CMSS1: variants seen among roughly 807,000 people sequenced by gnomAD.
The protein encoded by CMSS1 is cms1 ribosomal small subunit homolog, also known as protein CMSS1.
Under a neutral mutation model 43.5 loss-of-function variants are expected in CMSS1, and 33 were observed. That is an observed-to-expected ratio of 0.76 (90% CI 0.57 to 1.01). CMSS1 has a LOEUF of 1.01. CMSS1 is among the 50% of genes least tolerant of loss of function. CMSS1 has a pLI of 0.00. For synonymous variants in CMSS1, 115 were observed against 117.2 expected (o/e 0.98, Z 0.12); for missense variants, 313 against 326.4 (o/e 0.96, Z 0.32).
At chr3:99,930,671 A>G in intron 1 of CMSS1, 1 of 1,325,988 alleles carries the variant, frequency 7.5e-7, no homozygotes, top group Non-Finnish European at 1.1e-6. Flanking sequence ...ACACACATGT[A>G]TGAACCACAG....
intron 1 of CMSS1, among the ~76,000 whole-genome samples, chr3:100,049,775 C>A (rs984902672): frequency 1.3e-5 from 2 of 152,228 alleles, no homozygotes; most frequent in South Asian, 2.1e-4. Flanking sequence ...CTAACATTTT[C>A]TTTTCTCTAG....
At chr3:99,853,586 A>G (rs1344596725) in intron 1 of CMSS1, among the ~76,000 whole-genome samples, 1 of 152,236 alleles carries the variant, frequency 6.6e-6, no homozygotes, top group South Asian at 2.1e-4. Flanking sequence ...TGGAGTAGGC[A>G]TGATGCATAT....
At chr3:99,868,863 GC>G (rs1208960920) in intron 1 of CMSS1, among the ~76,000 whole-genome samples, 2 of 152,086 alleles carry the variant, frequency 1.3e-5, no homozygotes, top group Non-Finnish European at 2.9e-5. Flanking sequence ...AGCCCTTACA[GC>G]TTTATTACCT....
intron 1 of CMSS1, among the ~76,000 whole-genome samples, chr3:100,145,472 G>T (rs1488322803): frequency 1.3e-5 from 2 of 151,868 alleles, no homozygotes; most frequent in Non-Finnish European, 2.9e-5. Flanking sequence ...ATACATATTA[G>T]TCAGGGTTCT....
chr3:100,123,810 A>G (rs951413680), intron 1 of CMSS1, among the ~76,000 whole-genome samples: 4 of 152,212 alleles, frequency 2.6e-5, no homozygotes, highest in Admixed American at 6.5e-5. Flanking sequence ...GCTTTGTACA[A>G]TGTCCTAGAT....
intron 1 of CMSS1, among the ~76,000 whole-genome samples, chr3:100,051,626 G>A (rs983880880): frequency 4.7e-5 from 7 of 149,940 alleles, no homozygotes; most frequent in Non-Finnish European, 7.4e-5. Context: ...TTGTCCTTGC[G>A]ATAGTTTGCT....
chr3:100,103,597 G>T (rs544926002), intron 1 of CMSS1, among the ~76,000 whole-genome samples: 4 of 152,292 alleles, frequency 2.6e-5, no homozygotes, highest in African/African-American at 9.6e-5. Context: ...TGAGCAAAAA[G>T]GAGGTGTGGG....
intron 1 of CMSS1, among the ~76,000 whole-genome samples, chr3:99,943,652 C>G (rs1362887928): frequency 6.6e-6 from 1 of 151,788 alleles, no homozygotes; most frequent in Admixed American, 6.6e-5. Context: ...TGCAGTGATC[C>G]GAGATCACGC....
In CMSS1 at chr3:99,832,262, G is replaced by A. The variant is rs1331326350; in HGVS notation, c.64+14219G>A. On this transcript the variant is annotated intron_variant, in intron 1 of 9. Coordinates refer to ENST00000421999, the MANE Select transcript of CMSS1 (RefSeq NM_032359.4). ...TTTTTTTTTTTTGAGACGGAGTCTC[G>A]CTGTATCACCCAGACTGGAGTGCAG... 3.5e-5 allele frequency among the ~76,000 whole-genome samples: 5 copies of A among 141,290 alleles called. No individual in the cohort carries two copies. In the South Asian group the frequency reaches 6.6e-4, roughly 19 times the overall value. The allele number at this position is 141,290 out of a possible 152,430, so 92.7% of individuals were successfully genotyped here.
chr3:99,931,472 A>G (rs142098940), intron 1 of CMSS1, among the ~76,000 whole-genome samples: 1,763 of 152,144 alleles, frequency 0.012, 19 homozygotes, highest in African/African-American at 0.026. Context: ...AATTGTTGGG[A>G]GCTTTTATGG....
chr3:100,159,651 C>T (rs144083857), intron 2 of CMSS1, among the ~76,000 whole-genome samples: 102 of 152,286 alleles, frequency 6.7e-4, no homozygotes, highest in African/African-American at 2.3e-3. Context: ...ACATTTTATA[C>T]TCCTGCTTAT....
Position 99,855,386 on chromosome 3 carries a change from A to G in CMSS1, c.64+37343A>G, listed in dbSNP as rs553485267. On this transcript the variant is annotated intron_variant, in intron 1 of 9. Coordinates refer to ENST00000421999, the MANE Select transcript of CMSS1 (RefSeq NM_032359.4). ...TCACACAGCACAAAGACTAAAATAT[A>G]TATATAATAGCTGCCATTCTTTACT... Among the ~76,000 whole-genome samples, 13 of 152,298 alleles carry G rather than the reference A, an allele frequency of 8.5e-5. No homozygotes were observed. In the South Asian group the frequency reaches 1.9e-3, roughly 22 times the overall value.
intron 1 of CMSS1, chr3:99,925,781 A>G: frequency 4.5e-6 from 4 of 887,968 alleles, no homozygotes; most frequent in Non-Finnish European, 5.4e-6. Context: ...CTCATAAAGG[A>G]AGAACCAGGC....
At chr3:99,976,291 A>ACG (rs1708969286) in intron 1 of CMSS1, among the ~76,000 whole-genome samples, 1 of 152,212 alleles carries the variant, frequency 6.6e-6, no homozygotes, top group Admixed American at 6.5e-5. Flanking sequence ...CCCATATGCT[A>ACG]CGCGTTCCTG....
At chr3:99,968,888 C>A (rs1365803890) in intron 1 of CMSS1, among the ~76,000 whole-genome samples, 2 of 152,088 alleles carry the variant, frequency 1.3e-5, no homozygotes, top group African/African-American at 4.8e-5. Context: ...TTAGCACAAA[C>A]CTCTCTTTCA....
chr3:99,900,313 A>C (rs1205624058), intron 1 of CMSS1, among the ~76,000 whole-genome samples: 1 of 152,200 alleles, frequency 6.6e-6, no homozygotes, highest in East Asian at 1.9e-4. Context: ...TATTAATAAC[A>C]ACTAACACAT....
intron 1 of CMSS1, among the ~76,000 whole-genome samples, chr3:100,134,418 C>A (rs915216571): frequency 6.6e-6 from 1 of 152,128 alleles, no homozygotes; most frequent in African/African-American, 2.4e-5. Flanking sequence ...TTTCTTCTGT[C>A]GCTGTTCTGG....
chr3:100,129,284 G>C (rs890059758), intron 1 of CMSS1, among the ~76,000 whole-genome samples: 3 of 152,156 alleles, frequency 2.0e-5, no homozygotes, highest in Admixed American at 6.5e-5. Context: ...TTAGATTTTT[G>C]AGGGATGAAT....
chr3:100,052,671 T>G (rs2065393972), intron 1 of CMSS1, among the ~76,000 whole-genome samples: 1 of 152,222 alleles, frequency 6.6e-6, no homozygotes, highest in Non-Finnish European at 1.5e-5. Context: ...AATGCAATGT[T>G]TCTTTCTATA....
Sources: gnomAD v4.1 joint callset for allele counts (sites outside exome capture counted in the v4.1 genomes callset) on GRCh38, gnomAD v4.1.1 for gene constraint, MANE v1.5 for transcripts, NCBI Gene and HGNC (gene_info 2026-07-23, HGNC 2026-07-21) for gene names.